Variants in MACF1 observed in about 807,000 individuals in gnomAD.
MACF1 encodes the protein microtubule actin crosslinking factor 1, also known as microtubule-actin cross-linking factor 1.
A neutral mutation model predicts 854.8 loss-of-function variants in MACF1; 193 were observed. That is an observed-to-expected ratio of 0.23 (90% confidence interval 0.20 to 0.25). The LOEUF is 0.25. MACF1 is among the 10% of genes least tolerant of loss of function. The pLI is 1.00. For missense variants in MACF1, 7,722 were observed against 8,929.1 expected, an observed-to-expected ratio of 0.86 and a Z score of 5.45; for synonymous variants, 3,185 against 3,226.7, an observed-to-expected ratio of 0.99 and a Z score of 0.44.
chr1:39,246,478 C>T (rs1209226764), intron 2 of MACF1, among the ~76,000 whole-genome samples: 2 of 152,184 alleles, frequency 1.3e-5, no homozygotes, highest in Non-Finnish European at 2.9e-5. Context: ...ACACTGCAAA[C>T]TTGAAACCTT....
Position 39,333,537 on chromosome 1 carries a change from G to A in MACF1, c.6949G>A (p.Val2317Met), listed in dbSNP as rs377508536. Reference protein sequence around the residue: ...LLNEAISRGIVPSHTAVKLME... With the variant: ...LLNEAISRGIMPSHTAVKLME... ...AAATGAAGCAATATCCCGAGGCATT[G>A]TGCCAAGTCACACTGCCGTGAAGCT... Residue 2317 changes from valine (V) to methionine (M), a missense_variant, in exon 37 of 101, where the codon GTG becomes ATG. By Grantham distance (21) the Val-to-Met change is conservative. Around this residue, in one of 15 missense-constraint regions of MACF1, gnomAD observed 1,531 missense variants for 1,601.6 expected, o/e 0.96. Transcript: ENST00000564288. 4.3e-6 allele frequency: 7 copies of A among 1,614,114 alleles called. No individual in the cohort carries two copies. Among genetic ancestry groups the A allele is most frequent in the African/African-American group, 2.7e-5 (2 of 74,946 alleles).
chr1:39,350,978 A>G lies in MACF1; in HGVS notation c.11159A>G (p.Glu3720Gly). 2 of 1,614,150 alleles carry G rather than the reference A, an allele frequency of 1.2e-6. No individual in the cohort carries two copies. Among genetic ancestry groups the G allele is most frequent in the Non-Finnish European group, 1.7e-6 (2 of 1,179,998 alleles). ...ACACGTGTGGCCCAGAAGGAACTGG[A>G]GGAAGCAGTGACCTCCGCCTTACAG... ...EETRVAQKEL[E>G]EAVTSALQQE... The change falls in exon 43 of 101, where the codon GAG becomes GGG. Residue 3720 changes from glutamate (E) to glycine (G), a missense_variant. This residue lies in a region of MACF1 where 2,807 missense variants were observed against 3,235.8 expected (regional missense o/e 0.87). Transcript: ENST00000564288.
chr1:39,222,250 A>G (rs1220152746), intron 1 of MACF1, among the ~76,000 whole-genome samples: 1 of 152,092 alleles, frequency 6.6e-6, no homozygotes, highest in Non-Finnish European at 1.5e-5. Flanking sequence ...TCAGCCACCC[A>G]AGTAGCTGGG....
At chr1:39,297,889 G>C (rs536348137) in intron 21 of MACF1, 144 bp downstream of exon 21, 11 of 916,860 alleles carry the variant, frequency 1.2e-5, no homozygotes, top group Admixed American at 8.9e-5. Flanking sequence ...GAGTTTAATC[G>C]ATGTTGTTCT....
At chr1:39,447,626 C>T in intron 81 of MACF1, 39 bp downstream of exon 81, 1 of 1,613,352 alleles carries the variant, frequency 6.2e-7, no homozygotes, top group Middle Eastern at 1.6e-4. Context: ...TTTTTGAAAG[C>T]ACTAATTGAA....
chr1:39,087,248 C>G (rs1206210991), intron 2 of MACF1, among the ~76,000 whole-genome samples: 1 of 152,232 alleles, frequency 6.6e-6, no homozygotes, highest in South Asian at 2.1e-4. Context: ...TCTCCTCCCC[C>G]TGGATCTTGC....
In MACF1 at chr1:39,448,086, C is replaced by G; in HGVS notation, c.20022C>G (p.His6674Gln). 6.2e-7 allele frequency: 1 copy of G among 1,613,960 alleles called. No homozygotes were observed. Among genetic ancestry groups the G allele is most frequent in the Non-Finnish European group, 8.5e-7 (1 of 1,179,872 alleles). The change falls in exon 83 of 101, where the codon CAC becomes CAG. Residue 6674 changes from histidine to glutamine, a missense_variant. By Grantham distance (24) the His-to-Gln change is conservative. Coordinates refer to ENST00000564288, the MANE Select transcript of MACF1 (RefSeq NM_001394062.1). Reference protein sequence around the residue: ...LIDWLEDAESHLDSELEISND... With the variant: ...LIDWLEDAESQLDSELEISND... The stretch of plus-strand genomic sequence containing the variant: ...ACTGGCTAGAAGATGCAGAGAGTCA[C>G]CTGGACTCAGAACTAGAGATATCCA...
chr1:39,323,079 C>T, intron 33 of MACF1, 71 bp downstream of exon 33: 1 of 1,424,644 alleles, frequency 7.0e-7, no homozygotes, highest in Non-Finnish European at 9.9e-7. Context: ...GTGGTGTGTG[C>T]CTGTAGTCTC....
chr1:39,463,980 A>G (rs780468592), intron 94 of MACF1: 13 of 295,168 alleles, frequency 4.4e-5, no homozygotes, highest in African/African-American at 8.5e-5. Flanking sequence ...TTTGGAAACA[A>G]TTATATCTAT....
intron 2 of MACF1, among the ~76,000 whole-genome samples, chr1:39,089,194 T>C (rs978898996): frequency 2.0e-5 from 3 of 151,928 alleles, no homozygotes; most frequent in African/African-American, 7.3e-5. Context: ...TGAGACCCTG[T>C]CTCTATTTTT....
intron 2 of MACF1, among the ~76,000 whole-genome samples, chr1:39,133,181 A>G (rs999644787): frequency 1.3e-5 from 2 of 152,154 alleles, no homozygotes; most frequent in African/African-American, 4.8e-5. Flanking sequence ...CTCTGTCCTC[A>G]CTAGCCGACT....
In MACF1 at chr1:39,336,314, G is replaced by A. The variant is rs1395522909; in HGVS notation, c.9726G>A (p.Met3242Ile). The change falls in exon 37 of 101, where the codon ATG (methionine) becomes ATA (isoleucine). Residue 3242 changes from methionine (M) to isoleucine (I), a missense_variant. Transcript: ENST00000564288. ...TAACTGGAGAGAAATTTCTAGAAAT[G>A]GCAAACCCTAATGTTGCAGGTCTAG... ...QELTGEKFLE[M>I]ANPNVAGLEA... 6.2e-7 allele frequency: 1 copy of A among 1,614,020 alleles called. No homozygotes were observed. Among genetic ancestry groups the A allele is most frequent in the Non-Finnish European group, 8.5e-7 (1 of 1,180,032 alleles).
chr1:39,480,144 A>G, intron 98 of MACF1, 135 bp downstream of exon 98: 1 of 749,632 alleles, frequency 1.3e-6, no homozygotes, highest in Non-Finnish European at 2.2e-6. Context: ...TTTAGAAATA[A>G]AACGTGAAAA....
At chr1:39,303,876 C>CA (rs759506102) in intron 23 of MACF1, among the ~76,000 whole-genome samples, 144 of 90,674 alleles carry the variant, frequency 1.6e-3, no homozygotes, top group Middle Eastern at 6.0e-3. Context: ...GACTCCGTCT[C>CA]AAAAAAAAAA....
chr1:39,132,189 A>C (rs937311937), intron 2 of MACF1, among the ~76,000 whole-genome samples: 12 of 152,222 alleles, frequency 7.9e-5, no homozygotes, highest in African/African-American at 2.9e-4. Context: ...GTGGAAATGT[A>C]AAGCTATTAT....
intron 44 of MACF1, among the ~76,000 whole-genome samples, chr1:39,354,466 A>G (rs593667): frequency 0.4 from 61,469 of 151,852 alleles, 14,611 homozygotes; most frequent in African/African-American, 0.67. Context: ...GTGCAGTGGC[A>G]CGATCCCAGC....
At chr1:39,261,769 A>T (rs984035890) in intron 6 of MACF1, among the ~76,000 whole-genome samples, 1 of 152,212 alleles carries the variant, frequency 6.6e-6, no homozygotes, top group African/African-American at 2.4e-5. Flanking sequence ...TTTGCATACC[A>T]GTCTGTGTGG....
chr1:39,439,372 G>A lies in MACF1; in HGVS notation c.18319G>A (p.Ala6107Thr). 6.2e-7 allele frequency: 1 copy of A among 1,614,062 alleles called. No homozygotes were observed. Among genetic ancestry groups the A allele is most frequent in the Non-Finnish European group, 8.5e-7 (1 of 1,179,932 alleles). The change falls in exon 72 of 101, where the codon GCA (alanine) becomes ACA (threonine). Residue 6107 changes from alanine (A) to threonine (T), a missense_variant. Ala to Thr is a moderately conservative substitution (Grantham distance 58, BLOSUM62 0). Transcript: ENST00000564288. ...EIKFLDVLELAEKFWYDMAAL... is the reference protein window; with the variant it reads ...EIKFLDVLELTEKFWYDMAAL... ...CAAATTTCTTGATGTCCTTGAATTA[G>A]CAGAGAAGTTCTGGTATGACATGGC...
intron 72 of MACF1, 99 bp from the exon 73 acceptor site, chr1:39,440,904 G>T: frequency 8.5e-7 from 1 of 1,183,066 alleles, no homozygotes; most frequent in Non-Finnish European, 1.2e-6. Flanking sequence ...CAGTTATGTT[G>T]AGCATCTGCT....
Sources: gnomAD v4.1 joint callset for allele counts (sites outside exome capture counted in the v4.1 genomes callset) on GRCh38, gnomAD v4.1.1 for gene constraint, gnomAD v4.1.1 regional missense constraint, MANE v1.5 for transcripts, NCBI Gene and HGNC (gene_info 2026-07-23, HGNC 2026-07-21) for gene names.